B3GALT1: variants seen among roughly 807,000 people sequenced by gnomAD.
B3GALT1 encodes the protein beta-1,3-galactosyltransferase 1.
A neutral mutation model predicts 23.2 loss-of-function variants in B3GALT1; 10 were observed. The observed-to-expected ratio is 0.43, with a 90% CI of 0.27 to 0.73. The LOEUF is 0.73. Among genes scored for constraint, B3GALT1 ranks in the 30% least tolerant of loss-of-function variants. The pLI, the probability that B3GALT1 is intolerant of heterozygous loss-of-function variation, is 0.21. For missense variants in B3GALT1, 299 were observed against 405.4 expected (o/e 0.74, Z 2.25); for synonymous variants, 156 against 141.5 (o/e 1.10, Z -0.73).
At chr2:167,558,958 G>T (rs1260596584) in intron 2 of B3GALT1, among the ~76,000 whole-genome samples, 1 of 152,212 alleles carries the variant, frequency 6.6e-6, no homozygotes, top group African/African-American at 2.4e-5. Flanking sequence ...GAGAGCAGTG[G>T]TTCTCCCAGC....
At chr2:167,430,814 G>C (rs750289903) in intron 1 of B3GALT1, among the ~76,000 whole-genome samples, 7 of 152,124 alleles carry the variant, frequency 4.6e-5, no homozygotes, top group Admixed American at 6.5e-5. Context: ...ATTTTCTTCA[G>C]AGCAAAAGTG....
intron 3 of B3GALT1, among the ~76,000 whole-genome samples, chr2:167,752,671 G>A (rs1035733927): frequency 7.0e-5 from 10 of 142,158 alleles, no homozygotes; most frequent in African/African-American, 2.6e-4. Flanking sequence ...AAGTGCACTC[G>A]GATTCTTAGA....
chr2:167,586,714 A>T (rs2105412178), intron 2 of B3GALT1, among the ~76,000 whole-genome samples: 1 of 152,370 alleles, frequency 6.6e-6, no homozygotes, highest in South Asian at 2.1e-4. Flanking sequence ...AAAGTGTCGG[A>T]ATATTGATAA....
chr2:167,338,954 A>G (rs1273679977), intron 1 of B3GALT1, among the ~76,000 whole-genome samples: 1 of 152,194 alleles, frequency 6.6e-6, no homozygotes, highest in African/African-American at 2.4e-5. Context: ...GCGAAATTAC[A>G]GAGGCTGATT....
chr2:167,487,740 G>T (rs1306161721), intron 1 of B3GALT1, among the ~76,000 whole-genome samples: 1 of 152,192 alleles, frequency 6.6e-6, no homozygotes, highest in African/African-American at 2.4e-5. Flanking sequence ...TGGTAGTAGT[G>T]AGGGGGATAT....
intron 3 of B3GALT1, among the ~76,000 whole-genome samples, chr2:167,794,126 G>A (rs763186438): frequency 2.6e-5 from 4 of 152,184 alleles, no homozygotes; most frequent in Admixed American, 6.5e-5. Context: ...CCTCTGAGCC[G>A]TTCTCACATT....
chr2:167,833,121 A>G (rs1437755395), intron 4 of B3GALT1, among the ~76,000 whole-genome samples: 1 of 152,238 alleles, frequency 6.6e-6, no homozygotes, highest in Non-Finnish European at 1.5e-5. Context: ...TGTTTATCAG[A>G]GATGATCAAC....
intron 1 of B3GALT1, among the ~76,000 whole-genome samples, chr2:167,355,505 T>C (rs1338021847): frequency 6.6e-6 from 1 of 152,174 alleles, no homozygotes; most frequent in Non-Finnish European, 1.5e-5. Flanking sequence ...TTACAGTAGG[T>C]TGTCTAGAAA....
intron 2 of B3GALT1, among the ~76,000 whole-genome samples, chr2:167,599,388 A>G (rs1359709953): frequency 6.6e-6 from 1 of 152,232 alleles, no homozygotes; most frequent in African/African-American, 2.4e-5. Flanking sequence ...CATAGATAAC[A>G]AATCCAAAAA....
At chr2:167,434,854 C>T (rs1698755842) in intron 1 of B3GALT1, among the ~76,000 whole-genome samples, 1 of 151,862 alleles carries the variant, frequency 6.6e-6, no homozygotes, top group Non-Finnish European at 1.5e-5. Flanking sequence ...ATGTGTCACC[C>T]ATATCTCTCT....
intron 1 of B3GALT1, among the ~76,000 whole-genome samples, chr2:167,405,885 A>G (rs998785557): frequency 1.3e-5 from 2 of 152,120 alleles, no homozygotes; most frequent in African/African-American, 4.8e-5. Context: ...AAGGACTCAA[A>G]TAGAGTTATA....
chr2:167,454,523 T>A (rs1453844262), intron 1 of B3GALT1, among the ~76,000 whole-genome samples: 1 of 152,180 alleles, frequency 6.6e-6, no homozygotes, highest in Non-Finnish European at 1.5e-5. Context: ...GAGACCAGTT[T>A]CTCAAATACA....
At chr2:167,720,144 A>G (rs1461649115) in intron 3 of B3GALT1, among the ~76,000 whole-genome samples, 1 of 152,204 alleles carries the variant, frequency 6.6e-6, no homozygotes, top group Non-Finnish European at 1.5e-5. Flanking sequence ...GCAACTCTAG[A>G]GATAAAGCAG....
At chr2:167,467,469 A>G (rs1242514751) in intron 1 of B3GALT1, among the ~76,000 whole-genome samples, 5 of 152,158 alleles carry the variant, frequency 3.3e-5, no homozygotes, top group Non-Finnish European at 5.9e-5. Context: ...AGTTACTCCT[A>G]CGTGTTTGTA....
chr2:167,603,298 A>G (rs1684906412), intron 2 of B3GALT1, among the ~76,000 whole-genome samples: 1 of 152,178 alleles, frequency 6.6e-6, no homozygotes, highest in African/African-American at 2.4e-5. Flanking sequence ...ACCCAGGCGC[A>G]AGAGTCAGAA....
intron 2 of B3GALT1, among the ~76,000 whole-genome samples, chr2:167,563,513 A>G (rs1276615425): frequency 1.9e-4 from 1 of 5,136 alleles, no homozygotes; most frequent in Non-Finnish European, 3.0e-4. Flanking sequence ...CACCTCCCGG[A>G]CGGGGCGGCT....
intron 2 of B3GALT1, among the ~76,000 whole-genome samples, chr2:167,494,060 C>A (rs951436573): frequency 1.3e-5 from 2 of 151,880 alleles, no homozygotes; most frequent in Non-Finnish European, 2.9e-5. Flanking sequence ...AGAGAGTATG[C>A]CAACAAGATT....
At chr2:167,376,377 A>C (rs1198467171) in intron 1 of B3GALT1, among the ~76,000 whole-genome samples, 1 of 151,844 alleles carries the variant, frequency 6.6e-6, no homozygotes, top group Non-Finnish European at 1.5e-5. Flanking sequence ...GTTAGGGAGG[A>C]GTCCCTTCTC....
At chr2:167,535,964 C>T (rs1189320101) in intron 2 of B3GALT1, among the ~76,000 whole-genome samples, 2 of 152,208 alleles carry the variant, frequency 1.3e-5, no homozygotes, top group East Asian at 1.9e-4. Context: ...CACTCTGTCA[C>T]GCAGGCTGGA....
Sources: gnomAD v4.1 joint callset for allele counts (sites outside exome capture counted in the v4.1 genomes callset) on GRCh38, gnomAD v4.1.1 for gene constraint, MANE v1.5 for transcripts, NCBI Gene and HGNC (gene_info 2026-07-23, HGNC 2026-07-21) for gene names.